UBE2E3: variants seen among roughly 807,000 people sequenced by gnomAD.
UBE2E3 encodes ubiquitin-conjugating enzyme E2 E3.
In UBE2E3, 5 loss-of-function variants were observed where a neutral mutation model predicts 23.6. The observed-to-expected ratio is 0.21, with a 90% confidence interval of 0.11 to 0.44. UBE2E3 has a LOEUF of 0.44. UBE2E3 is among the 20% of genes least tolerant of loss of function. The pLI is 0.99. For synonymous variants in UBE2E3, 78 were observed against 87.5 expected (o/e 0.89, Z 0.60); for missense variants, 81 against 249.8 (o/e 0.32, Z 4.55).
At chr2:181,021,861 TTTC>T in intron 3 of UBE2E3, among the ~76,000 whole-genome samples, 1 of 152,180 alleles carries the variant, frequency 6.6e-6, no homozygotes, top group East Asian at 1.9e-4. Context: ...TGGGTTTTGC[TTTC>T]TTAAGTGATT....
intron 3 of UBE2E3, among the ~76,000 whole-genome samples, chr2:181,054,843 C>G (rs974012429): frequency 1.3e-5 from 2 of 151,560 alleles, no homozygotes; most frequent in African/African-American, 4.8e-5. Flanking sequence ...GGTCTTAGCT[C>G]TGGAGGACTG....
At chr2:180,991,103 G>A (rs139271123) in intron 3 of UBE2E3, among the ~76,000 whole-genome samples, 2 of 151,840 alleles carry the variant, frequency 1.3e-5, no homozygotes, top group African/African-American at 4.8e-5. Flanking sequence ...TCACATTTAG[G>A]GTTGCTACCA....
chr2:181,027,187 G>T (rs1200767069), intron 3 of UBE2E3, among the ~76,000 whole-genome samples: 3 of 151,902 alleles, frequency 2.0e-5, no homozygotes, highest in African/African-American at 7.2e-5. Flanking sequence ...TATGACTTAT[G>T]TGAATTTCGG....
intron 3 of UBE2E3, among the ~76,000 whole-genome samples, chr2:181,017,415 G>C (rs749899589): frequency 1.3e-5 from 2 of 152,056 alleles, no homozygotes; most frequent in East Asian, 1.9e-4. Context: ...GGGGCATGAG[G>C]GGGGTGGAAA....
rs1686027363 is a variant in UBE2E3 at position 181,030,053 on chromosome 2, T to G, written c.246-27640T>G. ...TTCATCATGTTGGCCAGGATTTTCT[T>G]GATTCCTTGACCTCATGATCCACCT... On this transcript the variant is annotated intron_variant, in intron 3 of 5. Coordinates refer to ENST00000410062, the MANE Select transcript of UBE2E3 (RefSeq NM_006357.4). 2.0e-5 allele frequency among the ~76,000 whole-genome samples: 3 copies of G among 152,090 alleles called. No homozygotes were observed. In the East Asian group the frequency reaches 5.8e-4, roughly 29 times the overall value.
chr2:181,021,463 CTTTT>C (rs1685672753), intron 3 of UBE2E3, among the ~76,000 whole-genome samples: 1 of 125,126 alleles, frequency 8.0e-6, no homozygotes, highest in Non-Finnish European at 1.7e-5. Context: ...CTCTCTCTTT[CTTTT>C]TCTCTTTCTT....
intron 1 of UBE2E3, 110 bp downstream of exon 1, chr2:180,981,083 G>C (rs1216671153): frequency 6.8e-6 from 1 of 146,306 alleles, no homozygotes; most frequent in Admixed American, 6.8e-5. Flanking sequence ...CCGCGTCGCC[G>C]GTGTCCGCGA....
intron 3 of UBE2E3, among the ~76,000 whole-genome samples, chr2:181,043,499 C>A (rs935942107): frequency 6.6e-6 from 1 of 152,100 alleles, no homozygotes; most frequent in Admixed American, 6.5e-5. Flanking sequence ...AGACTTTGGT[C>A]TCATCCCCAG....
chr2:181,052,256 A>G (rs1300037259), intron 3 of UBE2E3, among the ~76,000 whole-genome samples: 1 of 151,890 alleles, frequency 6.6e-6, no homozygotes. Flanking sequence ...AATTAATTAA[A>G]ATACTTTGCA....
intron 3 of UBE2E3, among the ~76,000 whole-genome samples, chr2:181,046,994 A>T (rs1272999039): frequency 1.3e-5 from 2 of 152,124 alleles, no homozygotes; most frequent in Admixed American, 6.5e-5. Flanking sequence ...AGAGCACCAC[A>T]TCCTTTTTAG....
chr2:181,034,195 A>G (rs1362810302), intron 3 of UBE2E3, among the ~76,000 whole-genome samples: 3 of 152,248 alleles, frequency 2.0e-5, no homozygotes, highest in Non-Finnish European at 4.4e-5. Context: ...CCAAAGGATT[A>G]TAAATCATGC....
intron 3 of UBE2E3, among the ~76,000 whole-genome samples, chr2:181,024,065 C>A (rs1280073114): frequency 6.6e-6 from 1 of 152,088 alleles, no homozygotes; most frequent in Non-Finnish European, 1.5e-5. Flanking sequence ...TCATTTTTCT[C>A]CTATTGATAC....
intron 3 of UBE2E3, among the ~76,000 whole-genome samples, chr2:180,997,641 G>C (rs188386722): frequency 3.9e-5 from 6 of 151,996 alleles, no homozygotes; most frequent in Non-Finnish European, 5.9e-5. Flanking sequence ...AAAAGTACCT[G>C]CATTTAGCTC....
chr2:181,043,995 C>T (rs1421650763), intron 3 of UBE2E3, among the ~76,000 whole-genome samples: 2 of 152,070 alleles, frequency 1.3e-5, no homozygotes, highest in East Asian at 1.9e-4. Context: ...AACTTTTATT[C>T]ACGTCTCTGT....
At chr2:181,015,864 A>G (rs1451251723) in intron 3 of UBE2E3, among the ~76,000 whole-genome samples, 1 of 152,050 alleles carries the variant, frequency 6.6e-6, no homozygotes, top group Non-Finnish European at 1.5e-5. Context: ...TAGTTCAGCA[A>G]TTTATAGCTA....
intron 3 of UBE2E3, among the ~76,000 whole-genome samples, chr2:180,996,286 C>G (rs1407192843): frequency 6.6e-6 from 1 of 152,140 alleles, no homozygotes; most frequent in East Asian, 1.9e-4. Flanking sequence ...TGACATTCTC[C>G]TAGCCACTTC....
intron 3 of UBE2E3, among the ~76,000 whole-genome samples, chr2:181,026,529 T>A (rs1021957844): frequency 7.3e-5 from 11 of 150,490 alleles, no homozygotes; most frequent in South Asian, 2.1e-4. Context: ...TTTTTTTTTT[T>A]AAATCCTTGA....
rs184182806 is a variant in UBE2E3 at position 181,047,471 on chromosome 2, G to T, written c.246-10222G>T. Among the ~76,000 whole-genome samples the T allele has an allele frequency of 1.6e-3, 250 of 152,002 alleles. 1 individual carries two copies. The highest frequency in any genetic ancestry group is 3.0e-3 in the Non-Finnish European group (201 of 67,966). On this transcript the variant is annotated intron_variant, in intron 3 of 5. Transcript: ENST00000410062. ...TTTTGGATATCTCATAAACTTCTTA[G>T]TCCCAGTGTATCCAAAACCAACTTT...
chr2:181,034,655 A>G (rs1351598487), intron 3 of UBE2E3, among the ~76,000 whole-genome samples: 2 of 151,840 alleles, frequency 1.3e-5, no homozygotes, highest in Non-Finnish European at 2.9e-5. Flanking sequence ...GTGCACATGT[A>G]CCCTAGAACT....
Sources: gnomAD v4.1 joint callset for allele counts (sites outside exome capture counted in the v4.1 genomes callset) on GRCh38, gnomAD v4.1.1 for gene constraint, MANE v1.5 for transcripts, NCBI Gene and HGNC (gene_info 2026-07-23, HGNC 2026-07-21) for gene names.